The following ACAP2 variants were observed in gnomAD, a reference collection of about 807,000 sequenced individuals.
ACAP2 encodes ArfGAP with coiled-coil, ankyrin repeat and PH domains 2.
ACAP2 carries 39 observed loss-of-function variants against 115.8 expected under a neutral mutation model. The ratio of observed to expected loss-of-function variants is 0.34; its 90% CI spans 0.26 to 0.44. The LOEUF is 0.44. ACAP2 is among the 20% of genes least tolerant of loss of function. The probability of loss-of-function intolerance (pLI) is 1.00; values close to 1 mark genes in which losing one functional copy is unlikely to be tolerated. For synonymous variants in ACAP2, 289 were observed against 315.8 expected (o/e 0.92, Z 0.90); for missense variants, 662 against 927.6 (o/e 0.71, Z 3.72).
chr3:195,279,476 A>ATGTTGTTTGAT, intron 22 of ACAP2, 48 bp from the exon 23 acceptor site: 1 of 1,201,066 alleles, frequency 8.3e-7, no homozygotes, highest in Non-Finnish European at 1.2e-6. Context: ...ACAAGTATTA[A>ATGTTGTTTGAT]TCAAACAACA....
At chr3:195,385,592 AG>A (rs1734247937) in intron 2 of ACAP2, among the ~76,000 whole-genome samples, 1 of 151,946 alleles carries the variant, frequency 6.6e-6, no homozygotes, top group African/African-American at 2.4e-5. Context: ...CAAGAAATAA[AG>A]GCATTCCCAC....
At chr3:195,385,094 C>T (rs1734206193) in intron 2 of ACAP2, among the ~76,000 whole-genome samples, 1 of 151,460 alleles carries the variant, frequency 6.6e-6, no homozygotes, top group African/African-American at 2.4e-5. Context: ...TATATGGTTA[C>T]TAAAAAAAAA....
At chr3:195,432,582 A>C (rs114533927) in intron 1 of ACAP2, among the ~76,000 whole-genome samples, 402 of 152,344 alleles carry the variant, frequency 2.6e-3, no homozygotes, top group Non-Finnish European at 4.6e-3. Flanking sequence ...CACCGTCTTC[A>C]TTACAATCAC....
chr3:195,426,436 G>A (rs545940222), intron 1 of ACAP2, among the ~76,000 whole-genome samples: 1 of 152,114 alleles, frequency 6.6e-6, no homozygotes, highest in Non-Finnish European at 1.5e-5. Flanking sequence ...ATTCAGGAAG[G>A]GGGCCATTCT....
chr3:195,413,065 G>T (rs1292125073), intron 1 of ACAP2: 20 of 263,568 alleles, frequency 7.6e-5, no homozygotes, highest in Non-Finnish European at 1.1e-4. Flanking sequence ...AATATTCATG[G>T]TTGAACAGTT....
chr3:195,364,502 T>G (rs1041668333), intron 4 of ACAP2, among the ~76,000 whole-genome samples: 2 of 151,852 alleles, frequency 1.3e-5, no homozygotes, highest in African/African-American at 4.8e-5. Context: ...ACACCGGAGA[T>G]GGAGGTTGCA....
At chr3:195,370,595 T>C (rs1733059610) in intron 4 of ACAP2, among the ~76,000 whole-genome samples, 1 of 152,184 alleles carries the variant, frequency 6.6e-6, no homozygotes, top group African/African-American at 2.4e-5. Context: ...TCTGTTCCAC[T>C]GGTCTGTGTC....
chr3:195,315,109 G>C (rs2109011895), intron 10 of ACAP2, among the ~76,000 whole-genome samples: 1 of 152,310 alleles, frequency 6.6e-6, no homozygotes, highest in African/African-American at 2.4e-5. Context: ...TCAATCTCTT[G>C]GTCTCAAGCG....
chr3:195,335,696 A>G (rs1398540816), intron 7 of ACAP2, among the ~76,000 whole-genome samples: 1 of 152,190 alleles, frequency 6.6e-6, no homozygotes, highest in Non-Finnish European at 1.5e-5. Context: ...TGTTTACCTG[A>G]TAAGATATAA....
chr3:195,308,913 G>A, intron 10 of ACAP2, 76 bp from the exon 11 acceptor site: 1 of 1,336,606 alleles, frequency 7.5e-7, no homozygotes, highest in African/African-American at 1.5e-5. Flanking sequence ...AAATATTTGA[G>A]AAAGCACTGG....
chr3:195,338,532 T>C (rs1480342259), intron 6 of ACAP2, among the ~76,000 whole-genome samples: 2 of 152,078 alleles, frequency 1.3e-5, no homozygotes, highest in Non-Finnish European at 2.9e-5. Context: ...TGTTGCACAG[T>C]CTGGTCTCAA....
chr3:195,380,918 T>C (rs1472073222), intron 4 of ACAP2, 91 bp downstream of exon 4: 18 of 1,125,184 alleles, frequency 1.6e-5, no homozygotes, highest in Admixed American at 5.5e-5. Context: ...GCCATGTAAT[T>C]CCCTTTTAGT....
chr3:195,430,557 A>T (rs1438007185), intron 1 of ACAP2, among the ~76,000 whole-genome samples: 2 of 152,180 alleles, frequency 1.3e-5, no homozygotes, highest in African/African-American at 4.8e-5. Context: ...TGTACTAAAA[A>T]TACAAAATTT....
chr3:195,289,032 C>T (rs1727057358), intron 21 of ACAP2, 89 bp downstream of exon 21: 1 of 993,516 alleles, frequency 1.0e-6, no homozygotes, highest in Non-Finnish European at 1.5e-6. Flanking sequence ...TTGGTATCCA[C>T]AGGGTCCTGG....
chr3:195,345,263 T>C lies in ACAP2; in HGVS notation c.340A>G (p.Lys114Glu). ...TCTTCACCGCAATTGACTTACTCTT[T>C]AACAAAGTTCTGAAGCTGTGCCTTA... ...SIKAQLQNFV[K>E]EDLRKFKDAK... is the part of the protein sequence containing the mutation. The change falls in exon 5 of 23, where the codon AAA (lysine) becomes GAA (glutamate). Residue 114 changes from lysine (K) to glutamate (E), a missense_variant. This residue lies in a region of ACAP2 where 401 missense variants were observed against 604.4 expected (regional missense o/e 0.66). Transcript: ENST00000326793. The C allele has an allele frequency of 6.2e-7, 1 of 1,609,864 alleles. No individual in the cohort carries two copies. Among genetic ancestry groups the C allele is most frequent in the Non-Finnish European group, 8.5e-7 (1 of 1,176,814 alleles).
rs117821346 is a variant in ACAP2, at chr3:195,394,901, G to C, written c.54-2754C>G. The stretch of plus-strand genomic sequence containing the variant: ...CCACTGCGCTCCTGCCTGGGCCACA[G>C]GGCAAGACTCCATCTCTTTTTTTTT... On this transcript the variant is annotated intron_variant, in intron 1 of 22. Coordinates refer to ENST00000326793, the MANE Select transcript of ACAP2 (RefSeq NM_012287.6). 1.2e-3 allele frequency among the ~76,000 whole-genome samples: 188 copies of C among 151,216 alleles called. 8 individuals are homozygous for C. In the East Asian group the frequency reaches 0.029, roughly 23 times the overall value.
intron 10 of ACAP2, among the ~76,000 whole-genome samples, chr3:195,319,733 C>T (rs7617936): frequency 0.31 from 47,117 of 152,024 alleles, 8,425 homozygotes; most frequent in East Asian, 0.82. Context: ...TACAGGCTCA[C>T]AGACAGAAGG....
chr3:195,340,940 T>G (rs1394463056), intron 6 of ACAP2, among the ~76,000 whole-genome samples: 1 of 151,318 alleles, frequency 6.6e-6, no homozygotes, highest in East Asian at 1.9e-4. Flanking sequence ...AAAAAAAACT[T>G]AAAGTTAATT....
intron 6 of ACAP2, among the ~76,000 whole-genome samples, chr3:195,339,406 T>C (rs1730726477): frequency 6.6e-6 from 1 of 151,476 alleles, no homozygotes; most frequent in Non-Finnish European, 1.5e-5. Flanking sequence ...TGTCTTTTTT[T>C]CTATTTGAAA....
Sources: allele counts gnomAD v4.1 joint callset (sites outside exome capture counted in the v4.1 genomes callset), GRCh38; gene constraint gnomAD v4.1.1; regional missense constraint gnomAD v4.1.1; transcripts MANE v1.5; gene names NCBI Gene and HGNC (gene_info 2026-07-23, HGNC 2026-07-21).